EIF2AK1: variants seen among roughly 807,000 people sequenced by gnomAD.
EIF2AK1 encodes the protein eukaryotic translation initiation factor 2-alpha kinase 1.
In EIF2AK1, 54 loss-of-function variants were observed where a neutral mutation model predicts 77.9. The ratio of observed to expected loss-of-function variants is 0.69; its 90% CI spans 0.56 to 0.87. EIF2AK1 has a LOEUF of 0.87. EIF2AK1 is among the 40% of genes least tolerant of loss of function. The pLI, the probability that EIF2AK1 is intolerant of heterozygous loss-of-function variation, is 0.00. For missense variants in EIF2AK1, 810 were observed against 768.6 expected (o/e 1.05, Z -0.64); for synonymous variants, 314 against 290.5 (o/e 1.08, Z -0.82).
Position 6,035,144 on chromosome 7 carries a change from C to T in EIF2AK1, c.1332+2280G>A, listed in dbSNP as rs1451815232. Among the ~76,000 whole-genome samples, 9 of 151,854 alleles carry T rather than the reference C, an allele frequency of 5.9e-5. No homozygotes were observed. The highest frequency in any genetic ancestry group is 6.8e-3 in the Middle Eastern group (2 of 294). ...ACGGCACAGGTAAAACAGGCTGCTC[C>T]AAGAAGCTGGGCCTTCTTCACAACA... is the stretch of plus-strand genomic sequence containing the variant. On this transcript the variant is annotated intron_variant, in intron 11 of 14. Transcript: ENST00000199389. The surrounding 1 kb of genome is among the most constrained non-coding windows in gnomAD (Gnocchi z 5.5).
At chr7:6,026,530 C>G in intron 14 of EIF2AK1, 198 bp downstream of exon 14, 1 of 704,560 alleles carries the variant, frequency 1.4e-6, no homozygotes, top group Non-Finnish European at 2.7e-6. Flanking sequence ...GCTGCTACCC[C>G]AAGGGGAGTG....
chr7:6,057,900 A>C (rs963612692), intron 1 of EIF2AK1, among the ~76,000 whole-genome samples: 1 of 152,152 alleles, frequency 6.6e-6, no homozygotes, highest in African/African-American at 2.4e-5. Flanking sequence ...AAAGTGCTGG[A>C]TTACAGGCGT....
intron 13 of EIF2AK1, among the ~76,000 whole-genome samples, chr7:6,028,410 C>A (rs950284433): frequency 5.9e-5 from 9 of 152,154 alleles, no homozygotes; most frequent in Admixed American, 5.2e-4. Flanking sequence ...TGCCATCGCA[C>A]CCAGATAATT....
In EIF2AK1 at chr7:6,022,696, T is replaced by C. The variant is rs1235996254; in HGVS notation, c.*1977A>G. 1 of 152,032 alleles carries C rather than the reference T, an allele frequency of 6.6e-6. No individual in the cohort carries two copies. Among genetic ancestry groups the C allele is most frequent in the East Asian group, 1.9e-4 (1 of 5,190 alleles). 9.4% of individuals were successfully genotyped at this position (152,032 alleles called of 1,614,324 possible). On this transcript the variant is annotated 3_prime_UTR_variant, in exon 15 of 15. Coordinates refer to ENST00000199389, the MANE Select transcript of EIF2AK1 (RefSeq NM_014413.4). Reference sequence around the variant, plus strand: ...GAGACACAGCTCAAGGGGGGGACTGTGAGCATTTGGGGAAGGGGGTTCTGT... The same window carrying C: ...GAGACACAGCTCAAGGGGGGGACTGCGAGCATTTGGGGAAGGGGGTTCTGT...
In EIF2AK1 at chr7:6,026,921, A is replaced by G; in HGVS notation, c.1571T>C (p.Phe524Ser). Reference sequence around the variant, plus strand: ...CTCCATTTCTGTTCCAAACGGCTGAAAGAGCTCTAGCAGGACCACACCCAA... The same window carrying G: ...CTCCATTTCTGTTCCAAACGGCTGAGAGAGCTCTAGCAGGACCACACCCAA... ...YSLGVVLLEL[F>S]QPFGTEMERA... Residue 524 changes from phenylalanine (F) to serine (S), a missense_variant, in exon 14 of 15, where the codon TTT becomes TCT. Transcript: ENST00000199389. 6.2e-7 allele frequency: 1 copy of G among 1,614,122 alleles called. No homozygotes were observed. Among genetic ancestry groups the G allele is most frequent in the Non-Finnish European group, 8.5e-7 (1 of 1,180,018 alleles).
At position 6,054,664 on chromosome 7, in the gene EIF2AK1, G is replaced by C. The variant is rs1788701122; in HGVS notation, c.159C>G (p.Pro53=). The change falls in exon 2 of 15, where the codon CCC becomes CCG. Residue 53 remains proline (P), a synonymous_variant. Coordinates refer to ENST00000199389, the MANE Select transcript of EIF2AK1 (RefSeq NM_014413.4). ...CAAAAGGGAAGGTTGGCTGTTGTAG[G>C]GGTTCTTTTAACACCTGGATTTCTG... ...VPAEIQVLKE[P]LQQPTFPFAV... is the part of the protein sequence containing the mutation. The C allele has an allele frequency of 6.2e-7, 1 of 1,614,044 alleles. No homozygotes were observed.
At chr7:6,031,687 C>T in intron 11 of EIF2AK1, 1 of 1,218,056 alleles carries the variant, frequency 8.2e-7, no homozygotes. Context: ...GCTCACGGCC[C>T]TTATGAGAAT....
At position 6,023,918 on chromosome 7, in the gene EIF2AK1, G is replaced by A. The variant is rs557188645; in HGVS notation, c.*755C>T. On this transcript the variant is annotated 3_prime_UTR_variant, in exon 15 of 15. Coordinates refer to ENST00000199389, the MANE Select transcript of EIF2AK1 (RefSeq NM_014413.4). Reference sequence around the variant, plus strand: ...CAACTCCATGGCAGACCCTTTCTGGGATTCAAAAACCAATTCATCAGATCG... The same window carrying A: ...CAACTCCATGGCAGACCCTTTCTGGAATTCAAAAACCAATTCATCAGATCG... 6.8e-7 allele frequency: 1 copy of A among 1,480,658 alleles called. No individual in the cohort carries two copies. The highest frequency in any genetic ancestry group is 1.2e-5 in the South Asian group (1 of 82,634). 91.7% of individuals were successfully genotyped at this position (1,480,658 alleles called of 1,614,324 possible).
intron 11 of EIF2AK1, 22 bp from the exon 12 acceptor site, chr7:6,029,054 C>T: frequency 6.4e-7 from 1 of 1,564,480 alleles, no homozygotes; most frequent in Non-Finnish European, 8.8e-7. Flanking sequence ...CAAAACAAGT[C>T]AACTCCTTGG....
At chr7:6,028,342 C>T (rs563341822) in intron 13 of EIF2AK1, among the ~76,000 whole-genome samples, 1 of 152,120 alleles carries the variant, frequency 6.6e-6, no homozygotes, top group South Asian at 2.1e-4. Flanking sequence ...ACCTCTGCCT[C>T]CCAGATTCAA....
chr7:6,047,487 A>G (rs1045385912), intron 4 of EIF2AK1, among the ~76,000 whole-genome samples: 3 of 152,102 alleles, frequency 2.0e-5, no homozygotes, highest in African/African-American at 7.2e-5. Flanking sequence ...AGCCTGGCCA[A>G]CATGGTAAAA....
At chr7:6,028,566 A>C in intron 13 of EIF2AK1, 49 bp downstream of exon 13, 1 of 1,578,042 alleles carries the variant, frequency 6.3e-7, no homozygotes, top group South Asian at 1.1e-5. Context: ...ATTGTTATTT[A>C]AGACTGCAGA....
Position 6,024,067 on chromosome 7 carries a change from T to C in EIF2AK1, c.*606A>G. 9.2e-6 allele frequency: 12 copies of C among 1,305,290 alleles called. No individual in the cohort carries two copies. Among genetic ancestry groups the C allele is most frequent in the Non-Finnish European group, 1.1e-5 (11 of 1,000,284 alleles). The allele number at this position is 1,305,290 out of a possible 1,614,324, so 80.9% of individuals were successfully genotyped here. A position where few individuals can be genotyped will look rare whatever the true frequency, so the allele number is the denominator to read the frequency against. The stretch of plus-strand genomic sequence containing the variant: ...TGAGCTGCCTGGAGATCATCTGGGG[T>C]GCGGAGTACAAAGCTTTGCAAGGGT... On this transcript the variant is annotated 3_prime_UTR_variant, in exon 15 of 15. Transcript: ENST00000199389.
chr7:6,044,982 T>C (rs1384617228), intron 6 of EIF2AK1, among the ~76,000 whole-genome samples: 2 of 152,144 alleles, frequency 1.3e-5, no homozygotes, highest in Non-Finnish European at 2.9e-5. Context: ...TTAAAATGCA[T>C]CTCCAATTTA....
At chr7:6,051,887 T>C (rs1788615616) in intron 2 of EIF2AK1, among the ~76,000 whole-genome samples, 1 of 152,108 alleles carries the variant, frequency 6.6e-6, no homozygotes, top group African/African-American at 2.4e-5. Flanking sequence ...ACTTCAGTCA[T>C]CTAGACTGGG....
At chr7:6,026,275 G>A (rs547516268) in intron 14 of EIF2AK1, among the ~76,000 whole-genome samples, 13 of 151,780 alleles carry the variant, frequency 8.6e-5, no homozygotes, top group Non-Finnish European at 1.2e-4. Context: ...ATGAGCCCCC[G>A]GCAGACATAC....
chr7:6,026,115 A>C (rs10249759), intron 14 of EIF2AK1, among the ~76,000 whole-genome samples: 99,236 of 151,852 alleles, frequency 0.65, 32,611 homozygotes, highest in East Asian at 0.85. Context: ...GAATGCAGCA[A>C]CCCCATCGGG....
rs373495104 is a variant in EIF2AK1 at position 6,024,759 on chromosome 7, C to G, written c.1807G>C (p.Glu603Gln). ...AGCTGCTTCTTTAGTTCTGCAATTT[C>G]TTTTTCTTGCTCTATTATCTTCATC... ...LQMKIIEQEK[E>Q]IAELKKQLNL... Residue 603 changes from glutamate to glutamine, a missense_variant, in exon 15 of 15, where the codon GAA (glutamate) becomes CAA (glutamine). By Grantham distance (29) the Glu-to-Gln change is conservative. Coordinates refer to ENST00000199389, the MANE Select transcript of EIF2AK1 (RefSeq NM_014413.4). 1.3e-5 allele frequency: 21 copies of G among 1,587,804 alleles called. No individual in the cohort carries two copies. The highest frequency in any genetic ancestry group is 1.6e-5 in the Non-Finnish European group (19 of 1,171,132).
chr7:6,051,162 G>A lies in EIF2AK1; in HGVS notation c.278-1117C>T, dbSNP rs139441467. Among the ~76,000 whole-genome samples, 210 of 152,212 alleles carry A rather than the reference G, an allele frequency of 1.4e-3. 2 individuals carry two copies. Among genetic ancestry groups the A allele is most frequent in the Middle Eastern group, 3.4e-3 (1 of 292 alleles). ...AACATACAAAGAGCCCATGGTACAC[G>A]TGTGTAAACCAAATATCAAGCTCCT... is the stretch of plus-strand genomic sequence containing the variant. On this transcript the variant is annotated intron_variant, in intron 2 of 14. Transcript: ENST00000199389.
Sources: allele counts gnomAD v4.1 joint callset (sites outside exome capture counted in the v4.1 genomes callset), GRCh38; gene constraint gnomAD v4.1.1; non-coding constraint Gnocchi (gnomAD v3.1); transcripts MANE v1.5; gene names NCBI Gene and HGNC (gene_info 2026-07-23, HGNC 2026-07-21).